Variants in ADGRL3 observed in about 807,000 individuals in gnomAD.
ADGRL3 encodes calcium-independent alpha-latrotoxin receptor 3.
In ADGRL3, 62 loss-of-function variants were observed where a neutral mutation model predicts 153.5. That is an observed-to-expected ratio of 0.40 (90% CI 0.33 to 0.50). ADGRL3 has a LOEUF of 0.50. ADGRL3 is among the 20% of genes least tolerant of loss of function. The pLI is 0.47. For missense variants in ADGRL3, 1,641 were observed against 1,859.4 expected, an observed-to-expected ratio of 0.88 and a Z score of 2.16; for synonymous variants, 710 against 672.5, an observed-to-expected ratio of 1.06 and a Z score of -0.86.
chr4:61,507,390 T>C (rs902685216), intron 3 of ADGRL3, among the ~76,000 whole-genome samples: 2 of 152,116 alleles, frequency 1.3e-5, no homozygotes, highest in Non-Finnish European at 2.9e-5. Flanking sequence ...GTTGTCCCTC[T>C]GCAGACAGAT....
intron 25 of ADGRL3, among the ~76,000 whole-genome samples, chr4:62,058,283 G>A (rs1738130782): frequency 6.6e-6 from 1 of 151,814 alleles, no homozygotes; most frequent in African/African-American, 2.4e-5. Flanking sequence ...GTTTATTTCT[G>A]CTTTTAAAGT....
chr4:61,831,411 T>TAAAAAAA (rs1166970099), intron 9 of ADGRL3, among the ~76,000 whole-genome samples: 6 of 37,302 alleles, frequency 1.6e-4, no homozygotes, highest in African/African-American at 2.2e-4. Context: ...AGATGCTAAG[T>TAAAAAAA]AAAAAAAAAA....
chr4:61,575,895 A>G (rs760435397), intron 4 of ADGRL3, among the ~76,000 whole-genome samples: 2 of 151,922 alleles, frequency 1.3e-5, no homozygotes, highest in African/African-American at 2.4e-5. Flanking sequence ...CTTTCTATTG[A>G]TTTTTTTGTG....
intron 21 of ADGRL3, among the ~76,000 whole-genome samples, chr4:62,000,104 G>C (rs1338924658): frequency 6.6e-6 from 1 of 151,550 alleles, no homozygotes; most frequent in Non-Finnish European, 1.5e-5. Flanking sequence ...CTATTTTGTA[G>C]TATAAAATAA....
rs114581132 is a variant in ADGRL3 at position 61,616,336 on chromosome 4, G to A, written c.473+28896G>A. On this transcript the variant is annotated intron_variant, in intron 5 of 26. Transcript: ENST00000683033. ...TTGACATGTGAATATATAATTTAAA[G>A]CCATTAATATTTTTATTTTGATAGT... is the stretch of plus-strand genomic sequence containing the variant. Among the ~76,000 whole-genome samples the A allele has an allele frequency of 5.5e-3, 835 of 152,154 alleles. 4 individuals are homozygous for A. Among genetic ancestry groups the A allele is most frequent in the African/African-American group, 0.019 (804 of 41,532 alleles).
chr4:61,953,730 G>A (rs557606502), intron 17 of ADGRL3, among the ~76,000 whole-genome samples: 36 of 152,214 alleles, frequency 2.4e-4, no homozygotes, highest in African/African-American at 8.4e-4. Context: ...GAGACATAGG[G>A]GAAGATCATC....
At chr4:61,904,187 A>AC (rs2098682846) in intron 11 of ADGRL3, among the ~76,000 whole-genome samples, 2 of 151,724 alleles carry the variant, frequency 1.3e-5, no homozygotes, top group South Asian at 2.1e-4. Context: ...TAAAAAAAAA[A>AC]AAAAAACACT....
intron 8 of ADGRL3, among the ~76,000 whole-genome samples, chr4:61,749,386 T>G (rs1272661626): frequency 6.6e-6 from 1 of 152,196 alleles, no homozygotes; most frequent in Non-Finnish European, 1.5e-5. Context: ...CTATAAATCA[T>G]GCTGCTGTAA....
intron 1 of ADGRL3, among the ~76,000 whole-genome samples, chr4:61,358,433 T>TA (rs1337606393): frequency 6.6e-6 from 1 of 151,766 alleles, no homozygotes; most frequent in Admixed American, 6.6e-5. Context: ...CCGTCTCTAC[T>TA]AAAAATACAA....
chr4:61,492,847 A>T (rs1328683977), intron 2 of ADGRL3, among the ~76,000 whole-genome samples: 1 of 152,134 alleles, frequency 6.6e-6, no homozygotes, highest in South Asian at 2.1e-4. Context: ...TGTAACTTTT[A>T]GTGGAACTCA....
At chr4:61,912,780 T>A (rs1479354851) in intron 13 of ADGRL3, 23 bp downstream of exon 13, 6 of 1,607,814 alleles carry the variant, frequency 3.7e-6, no homozygotes, top group Non-Finnish European at 5.1e-6. Flanking sequence ...TTTTTATAAA[T>A]GTGTTAAGTT....
At chr4:62,018,206 C>T (rs2099222110) in intron 21 of ADGRL3, among the ~76,000 whole-genome samples, 1 of 152,102 alleles carries the variant, frequency 6.6e-6, no homozygotes, top group Non-Finnish European at 1.5e-5. Context: ...GCAGGTGCTT[C>T]CTTGGCTCCC....
At chr4:61,858,521 T>C (rs1481281427) in intron 9 of ADGRL3, among the ~76,000 whole-genome samples, 3 of 152,150 alleles carry the variant, frequency 2.0e-5, no homozygotes, top group Admixed American at 2.0e-4. Context: ...CTCAGGAGGC[T>C]AAAGCAGGAG....
intron 19 of ADGRL3, among the ~76,000 whole-genome samples, chr4:61,984,322 G>A (rs918845947): frequency 6.6e-6 from 1 of 152,066 alleles, no homozygotes; most frequent in African/African-American, 2.4e-5. Context: ...TACAAGTAGA[G>A]AAAAAGAAGA....
chr4:61,222,782 C>T (rs1746257316), intron 1 of ADGRL3, among the ~76,000 whole-genome samples: 1 of 152,130 alleles, frequency 6.6e-6, no homozygotes, highest in Non-Finnish European at 1.5e-5. Flanking sequence ...ACAATACCAA[C>T]AACATCACTT....
chr4:61,306,254 C>A (rs1047489585), intron 1 of ADGRL3, among the ~76,000 whole-genome samples: 1 of 151,902 alleles, frequency 6.6e-6, no homozygotes, highest in African/African-American at 2.4e-5. Context: ...CCCGCCACCA[C>A]GCCCGGCTAA....
intron 2 of ADGRL3, among the ~76,000 whole-genome samples, chr4:61,400,385 CT>C (rs2096915849): frequency 6.6e-6 from 1 of 151,652 alleles, no homozygotes. Flanking sequence ...ACCCCAAAAA[CT>C]TTTACGGTAT....
rs547426769 is a variant in ADGRL3, at chr4:61,734,663, AG to A, written c.1399+1110del. 9.7e-3 allele frequency among the ~76,000 whole-genome samples: 1,480 copies of A among 152,280 alleles called. 10 individuals are homozygous for A. The highest frequency in any genetic ancestry group is 0.015 in the Non-Finnish European group (1,027 of 68,022). ...GATATGGTGATTACAATTCAAGATG[AG>A]ATTTGGGTAGGGACCCAGAGTCAAA... On this transcript the variant is annotated intron_variant, in intron 8 of 26. Transcript: ENST00000683033.
chr4:61,345,838 C>G (rs935429001), intron 1 of ADGRL3, among the ~76,000 whole-genome samples: 1 of 152,136 alleles, frequency 6.6e-6, no homozygotes, highest in African/African-American at 2.4e-5. Flanking sequence ...AATTCCAAAA[C>G]TGGTCTAGAC....
Sources: gnomAD v4.1 joint callset for allele counts (sites outside exome capture counted in the v4.1 genomes callset) on GRCh38, gnomAD v4.1.1 for gene constraint, MANE v1.5 for transcripts, NCBI Gene and HGNC (gene_info 2026-07-23, HGNC 2026-07-21) for gene names.